The following PTPRZ1 variants were observed in gnomAD, a reference collection of about 807,000 sequenced individuals.
PTPRZ1 encodes the protein receptor-type tyrosine-protein phosphatase zeta.
In PTPRZ1, 82 loss-of-function variants were observed where a neutral mutation model predicts 214.1. The observed-to-expected ratio is 0.38, with a 90% CI of 0.32 to 0.46. The LOEUF (loss-of-function observed/expected upper bound fraction) is 0.46. Ranked by LOEUF, PTPRZ1 falls within the 20% of genes least tolerant of loss-of-function variation. PTPRZ1 has a pLI of 1.00. For synonymous variants in PTPRZ1, 945 were observed against 987.9 expected, an observed-to-expected ratio of 0.96 and a Z score of 0.81; for missense variants, 2,603 against 2,748.7, an observed-to-expected ratio of 0.95 and a Z score of 1.19.
rs1584692506 is a variant in PTPRZ1 at position 121,968,111 on chromosome 7, T to G, written c.285T>G (p.Ile95Met). 1.3e-6 allele frequency: 2 copies of G among 1,598,612 alleles called. No homozygotes were observed. The highest frequency in any genetic ancestry group is 1.7e-6 in the Non-Finnish European group (2 of 1,175,218). The change falls in exon 3 of 30, where the codon ATT (isoleucine) becomes ATG (methionine). Residue 95 changes from isoleucine (I) to methionine (M), a missense_variant. Transcript: ENST00000393386. The part of the protein sequence containing the change: ...WDKTSLENTF[I>M]HNTGKTVEIN... ...AAACATCATTGGAAAACACATTCAT[T>G]CATAACACTGGGAAAACAGGTAAAA...
At chr7:122,019,293 A>T in intron 13 of PTPRZ1, 25 bp downstream of exon 13, 6 of 1,589,424 alleles carry the variant, frequency 3.8e-6, no homozygotes, top group Non-Finnish European at 4.3e-6. Flanking sequence ...TGTTTTGGAA[A>T]ATTTAATTCA....
intron 10 of PTPRZ1, among the ~76,000 whole-genome samples, chr7:122,002,091 A>G (rs1798343991): frequency 1.3e-5 from 2 of 152,196 alleles, no homozygotes; most frequent in Non-Finnish European, 2.9e-5. Context: ...AGGATGTTGA[A>G]TTCACAGTTC....
Position 122,040,875 on chromosome 7 carries a change from G to A in PTPRZ1, c.5697G>A (p.Trp1899Ter). The A allele has an allele frequency of 6.2e-7, 1 of 1,606,276 alleles. No individual in the cohort carries two copies. Among genetic ancestry groups the A allele is most frequent in the Non-Finnish European group, 8.5e-7 (1 of 1,174,474 alleles). The change falls in exon 21 of 30, where the codon TGG (tryptophan) becomes TGA (stop). Residue 1899 changes from tryptophan to a stop codon, truncating the protein, a stop_gained. Coordinates refer to ENST00000393386, the MANE Select transcript of PTPRZ1 (RefSeq NM_002851.3). LOFTEE classifies it high-confidence loss of function. The stretch of plus-strand genomic sequence containing the variant: ...TCACACAGTATCACTACACGCAGTG[G>A]CCTGACATGGGAGTACCAGAGTACT... The part of the protein sequence containing the change: ...RVVTQYHYTQ[W>*]PDMGVPEYSL...
chr7:122,058,024 A>C (rs1435249881), intron 27 of PTPRZ1, among the ~76,000 whole-genome samples: 2 of 150,982 alleles, frequency 1.3e-5, no homozygotes, highest in African/African-American at 2.4e-5. Context: ...TAGGACATTT[A>C]TTTTATTCCA....
chr7:121,874,437 C>T (rs751420190), intron 1 of PTPRZ1, among the ~76,000 whole-genome samples: 7 of 152,036 alleles, frequency 4.6e-5, no homozygotes, highest in African/African-American at 1.2e-4. Flanking sequence ...TTTTCCATCG[C>T]GATAGAATAT....
At chr7:121,895,177 C>T (rs1375320836) in intron 1 of PTPRZ1, among the ~76,000 whole-genome samples, 3 of 152,112 alleles carry the variant, frequency 2.0e-5, no homozygotes, top group Non-Finnish European at 2.9e-5. Flanking sequence ...GTTTTTGGAG[C>T]CCATAAAAAT....
chr7:121,992,950 A>T (rs1282940353), intron 8 of PTPRZ1, among the ~76,000 whole-genome samples: 1 of 152,130 alleles, frequency 6.6e-6, no homozygotes, highest in African/African-American at 2.4e-5. Flanking sequence ...CCCCAGACTC[A>T]CAGCCAGAAG....
intron 22 of PTPRZ1, among the ~76,000 whole-genome samples, chr7:122,043,422 T>G (rs1799790234): frequency 6.6e-6 from 1 of 152,194 alleles, no homozygotes; most frequent in African/African-American, 2.4e-5. Context: ...TAAAAAAATA[T>G]GAATTATGCT....
At chr7:122,050,319 T>C (rs1018989252) in intron 23 of PTPRZ1, among the ~76,000 whole-genome samples, 8 of 150,076 alleles carry the variant, frequency 5.3e-5, no homozygotes, top group African/African-American at 1.7e-4. Flanking sequence ...GGTGCATGCC[T>C]GTAGTGCCAG....
At chr7:122,020,828 CTT>C (rs76417252) in intron 13 of PTPRZ1, among the ~76,000 whole-genome samples, 2 of 116,774 alleles carry the variant, frequency 1.7e-5, no homozygotes, top group African/African-American at 3.5e-5. Flanking sequence ...GCCAAAGATT[CTT>C]TTTTTTTTTT....
intron 2 of PTPRZ1, among the ~76,000 whole-genome samples, chr7:121,938,700 T>C (rs1796158813): frequency 6.6e-6 from 1 of 151,122 alleles, no homozygotes; most frequent in Admixed American, 6.6e-5. Flanking sequence ...AGAAAGTATT[T>C]ACAACGATCT....
intron 1 of PTPRZ1, among the ~76,000 whole-genome samples, chr7:121,910,438 T>G (rs1795238063): frequency 6.6e-6 from 1 of 152,156 alleles, no homozygotes. Flanking sequence ...AAGGACAACA[T>G]GTTTGTGGTT....
intron 2 of PTPRZ1, among the ~76,000 whole-genome samples, chr7:121,933,626 T>C (rs566655063): frequency 2.0e-5 from 3 of 152,320 alleles, no homozygotes; most frequent in African/African-American, 7.2e-5. Context: ...TAGAATATCC[T>C]GTCTAAATAG....
chr7:121,962,058 T>C (rs550492938), intron 2 of PTPRZ1, among the ~76,000 whole-genome samples: 14 of 152,204 alleles, frequency 9.2e-5, no homozygotes, highest in Non-Finnish European at 1.3e-4. Flanking sequence ...GAATTCTGTA[T>C]ACCTGCTTTC....
chr7:122,051,380 G>T, intron 23 of PTPRZ1, 48 bp from the exon 24 acceptor site: 2 of 1,340,478 alleles, frequency 1.5e-6, no homozygotes, highest in South Asian at 1.2e-5. Flanking sequence ...TGTGTATTTG[G>T]GGGACTTAAA....
intron 25 of PTPRZ1, among the ~76,000 whole-genome samples, chr7:122,053,497 A>G (rs1792253108): frequency 6.6e-6 from 1 of 152,208 alleles, no homozygotes; most frequent in African/African-American, 2.4e-5. Context: ...CTGGCATGAC[A>G]AAGTCCAACT....
intron 15 of PTPRZ1, among the ~76,000 whole-genome samples, chr7:122,033,371 T>C (rs1238944280): frequency 6.6e-6 from 1 of 151,592 alleles, no homozygotes; most frequent in Non-Finnish European, 1.5e-5. Context: ...TCTCAGAAAT[T>C]ATAAGGCTTT....
chr7:121,884,976 A>G (rs530346482), intron 1 of PTPRZ1, among the ~76,000 whole-genome samples: 1 of 152,278 alleles, frequency 6.6e-6, no homozygotes, highest in East Asian at 1.9e-4. Context: ...CGTCATTTTT[A>G]CTACATTCAA....
intron 2 of PTPRZ1, among the ~76,000 whole-genome samples, chr7:121,963,395 A>G (rs904371960): frequency 6.6e-6 from 1 of 152,110 alleles, no homozygotes; most frequent in Non-Finnish European, 1.5e-5. Flanking sequence ...GACACCTACT[A>G]TGTGTCATTC....
Sources: allele counts gnomAD v4.1 joint callset (sites outside exome capture counted in the v4.1 genomes callset), GRCh38; gene constraint gnomAD v4.1.1; transcripts MANE v1.5; gene names NCBI Gene and HGNC (gene_info 2026-07-23, HGNC 2026-07-21).